Variants in ROR2 observed in about 807,000 individuals in gnomAD.
ROR2 encodes the protein ROR family WNT receptor 2.
Under a neutral mutation model 74.9 loss-of-function variants are expected in ROR2, and 33 were observed. The ratio of observed to expected loss-of-function variants is 0.44; its 90% CI spans 0.33 to 0.59. ROR2 has a LOEUF of 0.59. Among genes scored for constraint, ROR2 ranks in the 20% least tolerant of loss-of-function variants. The pLI, the probability that ROR2 is intolerant of heterozygous loss-of-function variation, is 0.02. For missense variants in ROR2, 1,216 were observed against 1,313.8 expected (o/e 0.93, Z 1.15); for synonymous variants, 586 against 558.7 (o/e 1.05, Z -0.69).
intron 1 of ROR2, among the ~76,000 whole-genome samples, chr9:91,832,399 G>A (rs1828488261): frequency 7.9e-6 from 1 of 125,992 alleles, no homozygotes; most frequent in East Asian, 2.8e-4. Context: ...AAAAAAGGCT[G>A]TGTCCCCTAC....
At chr9:91,800,369 T>G (rs547040063) in intron 1 of ROR2, among the ~76,000 whole-genome samples, 4 of 141,106 alleles carry the variant, frequency 2.8e-5, no homozygotes, top group African/African-American at 1.2e-4. Context: ...AGAGAGAGAA[T>G]AATACCAGTG....
intron 4 of ROR2, among the ~76,000 whole-genome samples, chr9:91,747,121 A>G (rs1024729018): frequency 1.3e-5 from 2 of 152,240 alleles, no homozygotes; most frequent in Non-Finnish European, 1.5e-5. Context: ...CAGGCAGCCT[A>G]GCATTAATCT....
intron 1 of ROR2, among the ~76,000 whole-genome samples, chr9:91,795,731 A>G (rs554470613): frequency 7.2e-5 from 11 of 152,318 alleles, no homozygotes; most frequent in African/African-American, 1.9e-4. Context: ...GTCATGGGTA[A>G]TTACCACTGG....
chr9:91,764,088 CAAGTT>C (rs1300814313), intron 2 of ROR2, among the ~76,000 whole-genome samples: 6 of 152,134 alleles, frequency 3.9e-5, no homozygotes, highest in African/African-American at 1.4e-4. Flanking sequence ...GTAATTCTGT[CAAGTT>C]GAGTTGATAT....
chr9:91,875,183 T>C (rs139981415), intron 1 of ROR2, among the ~76,000 whole-genome samples: 68 of 152,318 alleles, frequency 4.5e-4, no homozygotes, highest in Admixed American at 1.0e-3. Context: ...AACTTCAACA[T>C]GTAATTCCGT....
intron 1 of ROR2, among the ~76,000 whole-genome samples, chr9:91,776,075 G>C (rs561268456): frequency 6.0e-4 from 92 of 152,302 alleles, no homozygotes; most frequent in African/African-American, 2.1e-3. Flanking sequence ...ATGGAAATAA[G>C]TCAGTGGAGC....
chr9:91,780,895 C>T (rs1026785492), intron 1 of ROR2, among the ~76,000 whole-genome samples: 3 of 152,226 alleles, frequency 2.0e-5, no homozygotes, highest in African/African-American at 7.2e-5. Context: ...AGCAGTCACA[C>T]CATTAAGCAA....
chr9:91,927,924 T>C (rs1022905759), intron 1 of ROR2, among the ~76,000 whole-genome samples: 9 of 152,092 alleles, frequency 5.9e-5, no homozygotes, highest in African/African-American at 2.2e-4. Flanking sequence ...GTATCAACTA[T>C]ATTTTATTTT....
chr9:91,818,313 G>A (rs1403655761), intron 1 of ROR2, among the ~76,000 whole-genome samples: 1 of 152,154 alleles, frequency 6.6e-6, no homozygotes, highest in Non-Finnish European at 1.5e-5. Flanking sequence ...TTCATTCAGG[G>A]AGGACAGAAA....
intron 1 of ROR2, among the ~76,000 whole-genome samples, chr9:91,837,067 CT>C (rs1828630135): frequency 6.6e-6 from 1 of 151,820 alleles, no homozygotes. Context: ...AGGAAAACAA[CT>C]TTAAAAGTTC....
rs138299176 is a variant in ROR2 at position 91,747,279 on chromosome 9, C to T, written c.494+8792G>A. Among the ~76,000 whole-genome samples, 287 of 152,324 alleles carry T rather than the reference C, an allele frequency of 1.9e-3. 1 individual carries two copies. Among genetic ancestry groups the T allele is most frequent in the African/African-American group, 6.7e-3 (278 of 41,580 alleles). ...AATTAAACAGGGATAGAAGGGAAAG[C>T]AATGTCTTATGGTGGTAAATCCTTT... is the stretch of plus-strand genomic sequence containing the variant. On this transcript the variant is annotated intron_variant, in intron 4 of 8. Transcript: ENST00000375708.
rs562846468 is a variant in ROR2, at chr9:91,778,068, T to C, written c.98-2250A>G. On this transcript the variant is annotated intron_variant, in intron 1 of 8. Transcript: ENST00000375708. ...AAAATGCCAGAGCTACTAGGATTGC[T>C]GCTCCCAAGGTGGGGCAATTTAGGA... 2.4e-3 allele frequency among the ~76,000 whole-genome samples: 359 copies of C among 152,296 alleles called. 1 individual carries two copies. Among genetic ancestry groups the C allele is most frequent in the Non-Finnish European group, 3.4e-3 (233 of 68,018 alleles).
chr9:91,886,514 C>G (rs958458973), intron 1 of ROR2, among the ~76,000 whole-genome samples: 1 of 152,160 alleles, frequency 6.6e-6, no homozygotes, highest in Non-Finnish European at 1.5e-5. Context: ...GGCGCGGCAG[C>G]CCCTCCGCCC....
chr9:91,878,505 T>C (rs921996955), intron 1 of ROR2, among the ~76,000 whole-genome samples: 4 of 152,244 alleles, frequency 2.6e-5, no homozygotes, highest in African/African-American at 7.2e-5. Flanking sequence ...ACTCTTATTA[T>C]AAAATGTAGT....
At chr9:91,862,179 A>T (rs1441720437) in intron 1 of ROR2, among the ~76,000 whole-genome samples, 1 of 152,124 alleles carries the variant, frequency 6.6e-6, no homozygotes, top group African/African-American at 2.4e-5. Flanking sequence ...AAGAAAAAAA[A>T]ATTAGCCGGG....
intron 1 of ROR2, among the ~76,000 whole-genome samples, chr9:91,893,679 T>C (rs1047049069): frequency 1.3e-5 from 2 of 152,278 alleles, no homozygotes; most frequent in Non-Finnish European, 2.9e-5. Flanking sequence ...ACAGAAGATA[T>C]TCACATCCAA....
chr9:91,791,037 A>G (rs1826956349), intron 1 of ROR2, among the ~76,000 whole-genome samples: 1 of 152,236 alleles, frequency 6.6e-6, no homozygotes, highest in African/African-American at 2.4e-5. Flanking sequence ...AAATATTTTT[A>G]TAAACAGTCT....
At chr9:91,873,997 G>C (rs1829881635) in intron 1 of ROR2, among the ~76,000 whole-genome samples, 1 of 152,144 alleles carries the variant, frequency 6.6e-6, no homozygotes, top group Non-Finnish European at 1.5e-5. Context: ...ATTGGTTGGG[G>C]GAGTTGGGCT....
chr9:91,912,224 G>C (rs1831010685), intron 1 of ROR2, among the ~76,000 whole-genome samples: 1 of 152,130 alleles, frequency 6.6e-6, no homozygotes, highest in Admixed American at 6.5e-5. Context: ...TTCATAAAAT[G>C]TATCAATTGA....
Sources: allele counts gnomAD v4.1 joint callset (sites outside exome capture counted in the v4.1 genomes callset), GRCh38; gene constraint gnomAD v4.1.1; transcripts MANE v1.5; gene names NCBI Gene and HGNC (gene_info 2026-07-23, HGNC 2026-07-21).